Variants in MRC2 observed in about 807,000 individuals in gnomAD.
MRC2 encodes the protein C-type mannose receptor 2.
A neutral mutation model predicts 206.2 loss-of-function variants in MRC2; 84 were observed. The ratio of observed to expected loss-of-function variants is 0.41; its 90% CI spans 0.34 to 0.49. The LOEUF (loss-of-function observed/expected upper bound fraction) is 0.49, where lower values mean the gene tolerates loss of function less well. Among genes scored for constraint, MRC2 ranks in the 20% least tolerant of loss-of-function variants. The pLI is 0.31. For missense variants in MRC2, 1,676 were observed against 2,001.5 expected (o/e 0.84, Z 3.10); for synonymous variants, 798 against 800.0 (o/e 1.00, Z 0.04).
chr17:62,680,041 G>C lies in MRC2; in HGVS notation c.2299-129G>C. 2 of 1,523,608 alleles carry C rather than the reference G, an allele frequency of 1.3e-6. No homozygotes were observed. Among genetic ancestry groups the C allele is most frequent in the Non-Finnish European group, 1.8e-6 (2 of 1,120,096 alleles). 94.4% of individuals were successfully genotyped at this position (1,523,608 alleles called of 1,614,324 possible). On this transcript the variant is annotated intron_variant, in intron 14 of 29. Coordinates refer to ENST00000303375, the MANE Select transcript of MRC2 (RefSeq NM_006039.5). The surrounding 1 kb of genome is among the most constrained non-coding windows in gnomAD (Gnocchi z 4.8). ...GAGCCGGCTTCAGGAAAGCAGGTCC[G>C]AGAGGGGTCACCCGGCCCCCGGTGA...
rs773718759 is a variant in MRC2 at position 62,692,462 on chromosome 17, G to A, written c.*11G>A. The A allele has an allele frequency of 1.2e-4, 181 of 1,551,296 alleles. 2 individuals carry two copies. The Admixed American group carries it at 3.2e-3, about 27-fold the overall frequency. ...GAGCAACAAGAATAGAGCCAGGCGC[G>A]TGGGCAGGGCCAGGGCGGGAGGAGC... On this transcript the variant is annotated 3_prime_UTR_variant, in exon 30 of 30. Coordinates refer to ENST00000303375, the MANE Select transcript of MRC2 (RefSeq NM_006039.5). This position sits in a 1 kb window ranked among gnomAD's most constrained non-coding sequence, Gnocchi z 4.2.
At chr17:62,650,588 A>G (rs1484759642) in intron 1 of MRC2, among the ~76,000 whole-genome samples, 1 of 152,214 alleles carries the variant, frequency 6.6e-6, no homozygotes, top group Non-Finnish European at 1.5e-5. Flanking sequence ...TGTGTTATCA[A>G]GATGTTAATC....
intron 1 of MRC2, among the ~76,000 whole-genome samples, chr17:62,661,423 T>C (rs557695615): frequency 6.6e-6 from 1 of 152,354 alleles, no homozygotes; most frequent in East Asian, 1.9e-4. Flanking sequence ...TTCTACTGCA[T>C]TGTTGATACT....
intron 1 of MRC2, among the ~76,000 whole-genome samples, chr17:62,642,029 A>G (rs954840577): frequency 6.6e-6 from 1 of 152,202 alleles, no homozygotes; most frequent in Non-Finnish European, 1.5e-5. Flanking sequence ...ATGTAACCAT[A>G]ATATCTAATC....
chr17:62,653,913 G>A (rs2088587751), intron 1 of MRC2, among the ~76,000 whole-genome samples: 1 of 152,126 alleles, frequency 6.6e-6, no homozygotes, highest in Non-Finnish European at 1.5e-5. Context: ...AGGATCTAAT[G>A]TGCATGCATG....
chr17:62,642,287 T>C (rs1315603841), intron 1 of MRC2, among the ~76,000 whole-genome samples: 8 of 152,242 alleles, frequency 5.3e-5, no homozygotes, highest in Non-Finnish European at 1.2e-4. Flanking sequence ...ATTTGTCTGA[T>C]TGTTTACTCG....
rs1359776649 is a variant in MRC2, at chr17:62,667,224, G to A, written c.974-166G>A. Among the ~76,000 whole-genome samples the A allele has an allele frequency of 3.9e-5, 6 of 152,298 alleles. No individual in the cohort carries two copies. The highest frequency in any genetic ancestry group is 4.1e-4 in the South Asian group (2 of 4,830). On this transcript the variant is annotated intron_variant, in intron 5 of 29. Coordinates refer to ENST00000303375, the MANE Select transcript of MRC2 (RefSeq NM_006039.5). The surrounding 1 kb of genome is among the most constrained non-coding windows in gnomAD (Gnocchi z 4.1). ...GACGTGCACCCAGGTTAGAAAGCGC[G>A]GAGGACCCCGTGGTCTGGGGCGGAG... is the stretch of plus-strand genomic sequence containing the variant.
Position 62,675,327 on chromosome 17 carries a change from C to T in MRC2, c.1570-463C>T, listed in dbSNP as rs758539807. On this transcript the variant is annotated intron_variant, in intron 9 of 29. Coordinates refer to ENST00000303375, the MANE Select transcript of MRC2 (RefSeq NM_006039.5). The surrounding 1 kb of genome is among the most constrained non-coding windows in gnomAD (Gnocchi z 4.1). ...GCCAGGGTCTCGTCTCTGAGCCCCTCCTGCCATCCCCGGGCCAGGAGCATC... is the reference window on the plus strand; with the variant it reads ...GCCAGGGTCTCGTCTCTGAGCCCCTTCTGCCATCCCCGGGCCAGGAGCATC... Among the ~76,000 whole-genome samples the T allele has an allele frequency of 2.0e-5, 3 of 152,196 alleles. No individual in the cohort carries two copies. Among genetic ancestry groups the T allele is most frequent in the Non-Finnish European group, 2.9e-5 (2 of 68,022 alleles).
intron 11 of MRC2, among the ~76,000 whole-genome samples, chr17:62,677,024 A>G (rs1358993385): frequency 6.6e-6 from 1 of 152,258 alleles, no homozygotes; most frequent in Non-Finnish European, 1.5e-5. Context: ...GATGAGGTAG[A>G]TGATGAAGCA....
At chr17:62,681,310 G>A in intron 18 of MRC2, 181 bp downstream of exon 18, 1 of 671,224 alleles carries the variant, frequency 1.5e-6, no homozygotes, top group Non-Finnish European at 2.5e-6. Flanking sequence ...TATGAGGCCT[G>A]CCTGGTAAGA....
rs2089130556 is a variant in MRC2, at chr17:62,692,960, TG to T, written c.*513del. ...TCCTTCTGAGCCGGGCCCTGGGGAT[TG>T]GGGAGCCCTCTTGTTCCTGATGAGG... On this transcript the variant is annotated 3_prime_UTR_variant, in exon 30 of 30. Coordinates refer to ENST00000303375, the MANE Select transcript of MRC2 (RefSeq NM_006039.5). This position sits in a 1 kb window ranked among gnomAD's most constrained non-coding sequence, Gnocchi z 4.2. 2.5e-5 allele frequency: 4 copies of T among 159,570 alleles called. No homozygotes were observed. The highest frequency in any genetic ancestry group is 1.2e-4 in the Admixed American group (2 of 16,726). 9.9% of individuals were successfully genotyped at this position (159,570 alleles called of 1,614,324 possible).
rs192777468 is a variant in MRC2, at chr17:62,640,951, C to T, written c.118+13031C>T. Reference sequence around the variant, plus strand: ...TCTCCTGACCTCATGATCCACCCGCCTCAGCCTCAGCCTCCCAAAGTGCTG... The same window carrying T: ...TCTCCTGACCTCATGATCCACCCGCTTCAGCCTCAGCCTCCCAAAGTGCTG... On this transcript the variant is annotated intron_variant, in intron 1 of 29. Transcript: ENST00000303375. 3.2e-3 allele frequency among the ~76,000 whole-genome samples: 481 copies of T among 151,888 alleles called. 4 individuals carry two copies. The highest frequency in any genetic ancestry group is 0.011 in the African/African-American group (450 of 41,454).
rs729647 is a variant in MRC2 at position 62,671,565 on chromosome 17, C to T, written c.1118-84C>T. Reference sequence around the variant, plus strand: ...TGGAGAGGAGGTGACTGGGAGGCCTCGCCTGTGTTGACGTCAACCCAGTGG... The same window carrying T: ...TGGAGAGGAGGTGACTGGGAGGCCTTGCCTGTGTTGACGTCAACCCAGTGG... On this transcript the variant is annotated intron_variant, in intron 6 of 29. Coordinates refer to ENST00000303375, the MANE Select transcript of MRC2 (RefSeq NM_006039.5). The surrounding 1 kb of genome is among the most constrained non-coding windows in gnomAD (Gnocchi z 4.5). 727,056 of 1,309,186 alleles carry T rather than the reference C, an allele frequency of 0.56. 207,651 individuals carry two copies. Among genetic ancestry groups the T allele is most frequent in the Middle Eastern group, 0.62 (2,744 of 4,454 alleles). 81.1% of individuals were successfully genotyped at this position (1,309,186 alleles called of 1,614,324 possible). A position where few individuals can be genotyped will look rare whatever the true frequency, so the allele number is the denominator to read the frequency against.
chr17:62,644,434 A>C (rs2088449264), intron 1 of MRC2, among the ~76,000 whole-genome samples: 1 of 152,116 alleles, frequency 6.6e-6, no homozygotes, highest in African/African-American at 2.4e-5. Flanking sequence ...ATAAAAAAAC[A>C]TGTCTGGAGG....
intron 20 of MRC2, 151 bp from the exon 21 acceptor site, chr17:62,688,138 G>C: frequency 1.6e-6 from 1 of 642,676 alleles, no homozygotes; most frequent in Non-Finnish European, 2.7e-6. Context: ...AGGCTGCCAA[G>C]CAGACCCAGC....
At chr17:62,682,212 G>A in intron 19 of MRC2, 23 bp from the exon 20 acceptor site, 1 of 1,544,368 alleles carries the variant, frequency 6.5e-7, no homozygotes, top group South Asian at 1.2e-5. Context: ...GGGGGTGACT[G>A]CCCTCCCCTC....
chr17:62,638,543 G>T (rs2088356186), intron 1 of MRC2, among the ~76,000 whole-genome samples: 1 of 151,774 alleles, frequency 6.6e-6, no homozygotes, highest in Admixed American at 6.6e-5. Flanking sequence ...TTCGAGACCA[G>T]CCTGGACAAC....
chr17:62,637,379 T>C (rs1354880978), intron 1 of MRC2, among the ~76,000 whole-genome samples: 1 of 151,394 alleles, frequency 6.6e-6, no homozygotes, highest in East Asian at 1.9e-4. Flanking sequence ...CTCCTGAAAA[T>C]ACAAAAATTA....
intron 18 of MRC2, 50 bp from the exon 19 acceptor site, chr17:62,681,787 G>A: frequency 6.9e-7 from 1 of 1,441,390 alleles, no homozygotes; most frequent in Non-Finnish European, 9.7e-7. Flanking sequence ...TCCGGTGGAG[G>A]CCCAGCTGGG....
Sources: allele counts gnomAD v4.1 joint callset (sites outside exome capture counted in the v4.1 genomes callset), GRCh38; gene constraint gnomAD v4.1.1; non-coding constraint Gnocchi (gnomAD v3.1); transcripts MANE v1.5; gene names NCBI Gene and HGNC (gene_info 2026-07-23, HGNC 2026-07-21).